Variants in ADAM12 observed in about 807,000 individuals in gnomAD.
ADAM12 encodes the protein ADAM metallopeptidase domain 12, also known as disintegrin and metalloproteinase domain-containing protein 12.
ADAM12 carries 70 observed loss-of-function variants against 106.4 expected under a neutral mutation model. The ratio of observed to expected loss-of-function variants is 0.66; its 90% confidence interval spans 0.54 to 0.80. The LOEUF is 0.80. Ranked by LOEUF, ADAM12 falls within the 30% of genes least tolerant of loss-of-function variation. The pLI, the probability that ADAM12 is intolerant of heterozygous loss-of-function variation, is 0.00. For synonymous variants in ADAM12, 420 were observed against 433.5 expected (o/e 0.97, Z 0.39); for missense variants, 1,010 against 1,171.9 (o/e 0.86, Z 2.02).
chr10:126,098,285 C>T lies in ADAM12; in HGVS notation c.996+131G>A, dbSNP rs569350042. The stretch of plus-strand genomic sequence containing the variant: ...GGGATATATAAAATTATAAATACAG[C>T]TACAGTAAAAATAGAGTTAAATCTA... On this transcript the variant is annotated intron_variant, in intron 10 of 22. Coordinates refer to ENST00000448723, the MANE Select transcript of ADAM12 (RefSeq NM_001288973.2). 4.1e-6 allele frequency: 3 copies of T among 739,382 alleles called. No homozygotes were observed. In the African/African-American group the frequency reaches 5.2e-5, roughly 13 times the overall value. 45.8% of individuals were successfully genotyped at this position (739,382 alleles called of 1,614,324 possible).
chr10:126,099,253 T>C (rs1403496377), intron 9 of ADAM12, among the ~76,000 whole-genome samples: 1 of 152,242 alleles, frequency 6.6e-6, no homozygotes, highest in Non-Finnish European at 1.5e-5. Flanking sequence ...GACTTACCAA[T>C]GCTATCTTGG....
chr10:126,028,421 A>G lies in ADAM12; in HGVS notation c.2529+7725T>C, dbSNP rs150670128. On this transcript the variant is annotated intron_variant, in intron 21 of 22. Transcript: ENST00000448723. The stretch of plus-strand genomic sequence containing the variant: ...GCTACCTGACTTCAAACTATACTAC[A>G]AAGCTATAGTAACCAAAATGGCATG... Among the ~76,000 whole-genome samples the G allele has an allele frequency of 2.0e-3, 304 of 152,336 alleles. 1 individual carries two copies. Among genetic ancestry groups the G allele is most frequent in the African/African-American group, 7.1e-3 (294 of 41,568 alleles).
intron 5 of ADAM12, among the ~76,000 whole-genome samples, chr10:126,132,796 G>A (rs960461747): frequency 6.6e-6 from 1 of 152,054 alleles, no homozygotes; most frequent in African/African-American, 2.4e-5. Context: ...GTTCTAGGGT[G>A]AGAACATCTA....
At chr10:126,083,441 C>T (rs1407785368) in intron 11 of ADAM12, among the ~76,000 whole-genome samples, 1 of 152,232 alleles carries the variant, frequency 6.6e-6, no homozygotes, top group African/African-American at 2.4e-5. Flanking sequence ...GCACAAATGG[C>T]TATGCCAGCA....
At chr10:126,211,957 T>C (rs180730700) in intron 3 of ADAM12, among the ~76,000 whole-genome samples, 1 of 152,364 alleles carries the variant, frequency 6.6e-6, no homozygotes, top group Non-Finnish European at 1.5e-5. Context: ...ATGCTTAGAC[T>C]GGAGCAGTTG....
intron 1 of ADAM12, among the ~76,000 whole-genome samples, chr10:126,364,004 G>A (rs12356932): frequency 0.06 from 9,193 of 152,076 alleles, 337 homozygotes; most frequent in East Asian, 0.15. Context: ...TTGATAAGGG[G>A]AAATCCATGA....
In ADAM12 at chr10:126,066,650, G is replaced by T; in HGVS notation, c.1413+67C>A. On this transcript the variant is annotated intron_variant, in intron 13 of 22. Coordinates refer to ENST00000448723, the MANE Select transcript of ADAM12 (RefSeq NM_001288973.2). The surrounding 1 kb of genome is among the most constrained non-coding windows in gnomAD (Gnocchi z 5.1). ...ACCTTCCAGCCACACTGCTTGCCCT[G>T]CATCAGATCTGAACCACCTGAACCT... is the stretch of plus-strand genomic sequence containing the variant. The T allele has an allele frequency of 6.8e-7, 1 of 1,470,356 alleles. No individual in the cohort carries two copies. Among genetic ancestry groups the T allele is most frequent in the Non-Finnish European group, 9.5e-7 (1 of 1,050,454 alleles). The allele number at this position is 1,470,356 out of a possible 1,614,324, so 91.1% of individuals were successfully genotyped here. A position where few individuals can be genotyped will look rare whatever the true frequency, so the allele number is the denominator to read the frequency against.
chr10:126,321,759 A>G (rs1854102554), intron 2 of ADAM12, among the ~76,000 whole-genome samples: 2 of 152,186 alleles, frequency 1.3e-5, no homozygotes, highest in South Asian at 4.1e-4. Context: ...AGATGTATGA[A>G]GCAGTCCTGA....
At position 126,260,460 on chromosome 10, in the gene ADAM12, C is replaced by T. The variant is rs568712790; in HGVS notation, c.260+18455G>A. The stretch of plus-strand genomic sequence containing the variant: ...AGAGATTGGAGGAACCAATGGGCTG[C>T]TCTTCATCTGCTTCTTATTTAGAAA... On this transcript the variant is annotated intron_variant, in intron 3 of 22. Coordinates refer to ENST00000448723, the MANE Select transcript of ADAM12 (RefSeq NM_001288973.2). Among the ~76,000 whole-genome samples, 4 of 152,302 alleles carry T rather than the reference C, an allele frequency of 2.6e-5. No individual in the cohort carries two copies. The East Asian group carries it at 5.8e-4, about 22-fold the overall frequency.
intron 8 of ADAM12, among the ~76,000 whole-genome samples, chr10:126,107,436 A>G (rs1332896656): frequency 6.6e-6 from 1 of 152,214 alleles, no homozygotes; most frequent in Non-Finnish European, 1.5e-5. Flanking sequence ...AGAGTGCATA[A>G]GGTCTTGTAA....
intron 4 of ADAM12, among the ~76,000 whole-genome samples, chr10:126,151,711 G>C (rs1361215846): frequency 6.6e-6 from 1 of 151,692 alleles, no homozygotes; most frequent in Non-Finnish European, 1.5e-5. Flanking sequence ...GCTTATTTTT[G>C]TCAGTAAATA....
At chr10:126,109,192 C>T (rs1955825897) in intron 7 of ADAM12, among the ~76,000 whole-genome samples, 1 of 152,202 alleles carries the variant, frequency 6.6e-6, no homozygotes, top group Admixed American at 6.5e-5. Flanking sequence ...CTGTTTCATT[C>T]ATAGGTGTTG....
Position 126,388,201 on chromosome 10 carries a change from C to T in ADAM12, c.-56G>A, listed in dbSNP as rs1841790951. 8.3e-7 allele frequency: 1 copy of T among 1,198,410 alleles called. No homozygotes were observed. The highest frequency in any genetic ancestry group is 4.4e-5 in the Admixed American group (1 of 22,530). 74.2% of individuals were successfully genotyped at this position (1,198,410 alleles called of 1,614,324 possible). A position where few individuals can be genotyped will look rare whatever the true frequency, so the allele number is the denominator to read the frequency against. The stretch of plus-strand genomic sequence containing the variant: ...GGCCCGGCGGCGAGCGCTGCACCAT[C>T]CCACGCGGGCGCCGAGCCGGGGCCG... On this transcript the variant is annotated 5_prime_UTR_variant, in exon 1 of 23. Coordinates refer to ENST00000448723, the MANE Select transcript of ADAM12 (RefSeq NM_001288973.2). This position sits in a 1 kb window ranked among gnomAD's most constrained non-coding sequence, Gnocchi z 4.4.
At chr10:126,129,840 T>C (rs1469058291) in intron 5 of ADAM12, among the ~76,000 whole-genome samples, 1 of 152,230 alleles carries the variant, frequency 6.6e-6, no homozygotes, top group Non-Finnish European at 1.5e-5. Flanking sequence ...TCCTCTTTCA[T>C]GTCCCTTTCT....
Position 126,185,569 on chromosome 10 carries a change from T to A in ADAM12, c.261-30264A>T, listed in dbSNP as rs113848248. Reference sequence around the variant, plus strand: ...TCTATTATATGCTTAATGGGTGAGATTACAAGTGGAAACTATAGCAAAAAA... The same window carrying A: ...TCTATTATATGCTTAATGGGTGAGAATACAAGTGGAAACTATAGCAAAAAA... On this transcript the variant is annotated intron_variant, in intron 3 of 22. Coordinates refer to ENST00000448723, the MANE Select transcript of ADAM12 (RefSeq NM_001288973.2). Among the ~76,000 whole-genome samples, 1,272 of 151,982 alleles carry A rather than the reference T, an allele frequency of 8.4e-3. 21 individuals carry two copies. The highest frequency in any genetic ancestry group is 0.028 in the African/African-American group (1,163 of 41,432).
chr10:126,315,424 A>G (rs1277751420), intron 2 of ADAM12, among the ~76,000 whole-genome samples: 3 of 152,018 alleles, frequency 2.0e-5, no homozygotes, highest in Non-Finnish European at 4.4e-5. Flanking sequence ...AATGCATCCA[A>G]TCTTTTGTAT....
intron 17 of ADAM12, among the ~76,000 whole-genome samples, chr10:126,045,351 A>C (rs1328812271): frequency 6.6e-6 from 1 of 152,164 alleles, no homozygotes; most frequent in Non-Finnish European, 1.5e-5. Flanking sequence ...GCATGATGGT[A>C]ATTTACAACC....
intron 1 of ADAM12, among the ~76,000 whole-genome samples, chr10:126,364,331 G>A (rs1855840980): frequency 7.1e-6 from 1 of 139,904 alleles, no homozygotes; most frequent in Admixed American, 7.1e-5. Flanking sequence ...TTGAGACACT[G>A]CAATAAAGCA....
chr10:126,340,404 C>A (rs1382261451), intron 1 of ADAM12, among the ~76,000 whole-genome samples: 1 of 152,166 alleles, frequency 6.6e-6, no homozygotes, highest in East Asian at 1.9e-4. Context: ...CAACAACAAC[C>A]CTGTGATATT....
Sources: gnomAD v4.1 joint callset for allele counts (sites outside exome capture counted in the v4.1 genomes callset) on GRCh38, gnomAD v4.1.1 for gene constraint, Gnocchi (gnomAD v3.1) non-coding constraint, MANE v1.5 for transcripts, NCBI Gene and HGNC (gene_info 2026-07-23, HGNC 2026-07-21) for gene names.